TUSC3: variants seen among roughly 807,000 people sequenced by gnomAD.
TUSC3 encodes dolichyl-diphosphooligosaccharide--protein glycosyltransferase subunit TUSC3.
Under a neutral mutation model 44.8 loss-of-function variants are expected in TUSC3, and 45 were observed. The ratio of observed to expected loss-of-function variants is 1.00; its 90% CI spans 0.79 to 1.29. The LOEUF is 1.29. Ranked by LOEUF, TUSC3 falls within the 50% of genes most tolerant of loss-of-function variation. The pLI is 0.00. For synonymous variants in TUSC3, 212 were observed against 152.9 expected (o/e 1.39, Z -2.85); for missense variants, 519 against 437.9 (o/e 1.19, Z -1.65).
In TUSC3 at chr8:15,662,173, A is replaced by T. The variant is rs780023022; in HGVS notation, c.585A>T (p.Pro195=). Residue 195 remains proline, a synonymous_variant, in exon 5 of 11, where the codon CCA becomes CCT. Transcript: ENST00000503731. ...RTDVHIRVFR[P]PNYSGTIALA... is the part of the protein sequence containing the mutation. Reference sequence around the variant, plus strand: ...TTTTGCAGATTCGGGTTTTCAGACCACCCAACTACTCTGGTACCATTGCTT... The same window carrying T: ...TTTTGCAGATTCGGGTTTTCAGACCTCCCAACTACTCTGGTACCATTGCTT... 1.9e-6 allele frequency: 3 copies of T among 1,612,746 alleles called. No homozygotes were observed. Among genetic ancestry groups the T allele is most frequent in the Non-Finnish European group, 2.5e-6 (3 of 1,179,204 alleles).
chr8:15,433,140 A>G (rs1425874804), intron 1 of TUSC3, among the ~76,000 whole-genome samples: 1 of 152,124 alleles, frequency 6.6e-6, no homozygotes, highest in East Asian at 1.9e-4. Flanking sequence ...ATATTGTTTC[A>G]GATTTTTATT....
intron 2 of TUSC3, among the ~76,000 whole-genome samples, chr8:15,515,981 T>G (rs1183095608): frequency 6.6e-6 from 1 of 152,192 alleles, no homozygotes; most frequent in Admixed American, 6.6e-5. Flanking sequence ...AAAATTATAT[T>G]CTGTAAAAAT....
At chr8:15,819,329 T>C in the TUSC3 span, among the ~76,000 whole-genome samples, 905 of 152,294 alleles carry the variant, frequency 5.9e-3, 7 homozygotes, top group African/African-American at 0.02. Flanking sequence ...ATTAAAATAC[T>C]AATGAAATAT....
At chr8:15,836,948 C>G in the TUSC3 span, among the ~76,000 whole-genome samples, 1 of 152,142 alleles carries the variant, frequency 6.6e-6, no homozygotes, top group East Asian at 1.9e-4. Flanking sequence ...GCAATTCCCA[C>G]ATTTATTGAA....
At chr8:15,509,335 G>A (rs1458628798) in intron 2 of TUSC3, among the ~76,000 whole-genome samples, 2 of 152,156 alleles carry the variant, frequency 1.3e-5, no homozygotes, top group Non-Finnish European at 2.9e-5. Context: ...AAGGCCAGAC[G>A]TGATGGCTCA....
At chr8:15,465,720 T>G (rs1228559852) in intron 1 of TUSC3, among the ~76,000 whole-genome samples, 4 of 152,176 alleles carry the variant, frequency 2.6e-5, no homozygotes, top group Non-Finnish European at 4.4e-5. Context: ...ACCCATAGCA[T>G]TTTGGAATTA....
At chr8:15,493,289 C>T (rs950880035) in intron 2 of TUSC3, among the ~76,000 whole-genome samples, 1 of 152,042 alleles carries the variant, frequency 6.6e-6, no homozygotes, top group Non-Finnish European at 1.5e-5. Context: ...GAGACAGGGT[C>T]TCTCTCTGTT....
intron 2 of TUSC3, among the ~76,000 whole-genome samples, chr8:15,490,399 C>G (rs979888193): frequency 6.6e-6 from 1 of 152,148 alleles, no homozygotes; most frequent in African/African-American, 2.4e-5. Flanking sequence ...CCCTAACTTT[C>G]TCCTCTCCTG....
chr8:15,683,224 G>A (rs539839768), intron 6 of TUSC3, among the ~76,000 whole-genome samples: 3 of 152,212 alleles, frequency 2.0e-5, no homozygotes, highest in East Asian at 3.9e-4. Context: ...ATATTTGTGG[G>A]TTATATCCTC....
chr8:15,418,981 A>T (rs1038260406), intron 1 of TUSC3, among the ~76,000 whole-genome samples: 3 of 152,174 alleles, frequency 2.0e-5, no homozygotes, highest in African/African-American at 7.2e-5. Flanking sequence ...CTCCAGCCTG[A>T]GCAACAGTGC....
At chr8:15,770,526 C>T (rs1222780604), downstream of TUSC3, among the ~76,000 whole-genome samples, 1 of 152,062 alleles carries the variant, frequency 6.6e-6, no homozygotes, top group South Asian at 2.1e-4. Flanking sequence ...ATGTTTTGCA[C>T]ATGTATCCCA....
chr8:15,818,822 T>C, the TUSC3 span, among the ~76,000 whole-genome samples: 1 of 152,220 alleles, frequency 6.6e-6, no homozygotes, highest in Non-Finnish European at 1.5e-5. Flanking sequence ...AATCATACAT[T>C]AGTCATTCTG....
At chr8:15,789,143 T>TA in the TUSC3 span, among the ~76,000 whole-genome samples, 5 of 152,168 alleles carry the variant, frequency 3.3e-5, no homozygotes, top group Non-Finnish European at 7.3e-5. Flanking sequence ...GAGTGTTAGG[T>TA]AAAAACCTTT....
intron 2 of TUSC3, among the ~76,000 whole-genome samples, chr8:15,521,613 C>A (rs1024842693): frequency 9.1e-6 from 1 of 109,672 alleles, no homozygotes; most frequent in South Asian, 2.3e-4. Context: ...TAGGTAATTA[C>A]CCCCCCCAAA....
rs930095895 is a variant in TUSC3 at position 15,618,892 on chromosome 8, C to A, written c.139-4188C>A. Reference sequence around the variant, plus strand: ...TATTAGGCGGTAAGAATTTTTCAGCCCCATTATAATCTTATGGGACCGTCT... The same window carrying A: ...TATTAGGCGGTAAGAATTTTTCAGCACCATTATAATCTTATGGGACCGTCT... On this transcript the variant is annotated intron_variant, in intron 1 of 10. Transcript: ENST00000503731. Among the ~76,000 whole-genome samples the A allele has an allele frequency of 3.3e-5, 5 of 152,016 alleles. 1 individual carries two copies. Among genetic ancestry groups the A allele is most frequent in the African/African-American group, 1.2e-4 (5 of 41,396 alleles).
the TUSC3 span, among the ~76,000 whole-genome samples, chr8:15,843,279 T>A: frequency 6.6e-6 from 1 of 152,142 alleles, no homozygotes; most frequent in Admixed American, 6.6e-5. Flanking sequence ...TCAAAAAATA[T>A]GTTTTCTGAT....
At chr8:15,744,843 G>A (rs1206817050) in intron 8 of TUSC3, among the ~76,000 whole-genome samples, 5 of 151,998 alleles carry the variant, frequency 3.3e-5, no homozygotes, top group African/African-American at 1.2e-4. Context: ...TTATGTATAA[G>A]TTTGTCCCAT....
intron 1 of TUSC3, among the ~76,000 whole-genome samples, chr8:15,578,970 A>G (rs930138549): frequency 6.6e-6 from 1 of 152,098 alleles, no homozygotes; most frequent in East Asian, 1.9e-4. Context: ...CTGGTAAGCT[A>G]TTGATTATTG....
chr8:15,662,060 G>C (rs1470391800), intron 4 of TUSC3, 96 bp from the exon 5 acceptor site: 4 of 1,393,430 alleles, frequency 2.9e-6, no homozygotes, highest in African/African-American at 1.4e-5. Flanking sequence ...GCATGTTTCT[G>C]AGTTCTTTGC....
Sources: allele counts gnomAD v4.1 joint callset (sites outside exome capture counted in the v4.1 genomes callset), GRCh38; gene constraint gnomAD v4.1.1; transcripts MANE v1.5; gene names NCBI Gene and HGNC (gene_info 2026-07-23, HGNC 2026-07-21).